The following SLC22A16 variants were observed in gnomAD, a reference collection of about 807,000 sequenced individuals.
SLC22A16 encodes the protein solute carrier family 22 member 16, also known as WUGSC:RG331P03.1.
A neutral mutation model predicts 52.9 loss-of-function variants in SLC22A16; 53 were observed. That is an observed-to-expected ratio of 1.00 (90% CI 0.80 to 1.26). The LOEUF (loss-of-function observed/expected upper bound fraction) is 1.26, where lower values mean the gene tolerates loss of function less well. SLC22A16 is among the 50% of genes most tolerant of loss of function. The pLI is 0.00. For synonymous variants in SLC22A16, 291 were observed against 268.8 expected, an observed-to-expected ratio of 1.08 and a Z score of -0.81; for missense variants, 726 against 704.0, an observed-to-expected ratio of 1.03 and a Z score of -0.35.
intron 1 of SLC22A16, among the ~76,000 whole-genome samples, chr6:110,475,517 CT>C (rs985858625): frequency 9.2e-5 from 14 of 152,338 alleles, no homozygotes; most frequent in Middle Eastern, 3.4e-3. Context: ...CTAACAGCTC[CT>C]TTTTGCAGAC....
intron 7 of SLC22A16, among the ~76,000 whole-genome samples, chr6:110,428,440 G>C (rs1376625977): frequency 2.6e-5 from 4 of 152,184 alleles, no homozygotes; most frequent in African/African-American, 9.7e-5. Context: ...TTGTTTGTTG[G>C]ACCTTGTGTA....
intron 1 of SLC22A16, among the ~76,000 whole-genome samples, chr6:110,467,803 T>C (rs9320334): frequency 0.25 from 38,233 of 152,246 alleles, 5,364 homozygotes; most frequent in East Asian, 0.43. Flanking sequence ...TATAAACTTC[T>C]ATTTGTACAT....
intron 1 of SLC22A16, among the ~76,000 whole-genome samples, chr6:110,457,327 AAAG>A (rs1212502358): frequency 6.6e-6 from 1 of 152,170 alleles, no homozygotes; most frequent in African/African-American, 2.4e-5. Flanking sequence ...AAAGCCAGGA[AAAG>A]AAGAATACAA....
At chr6:110,451,027 A>C (rs1407857118) in intron 2 of SLC22A16, among the ~76,000 whole-genome samples, 2 of 152,196 alleles carry the variant, frequency 1.3e-5, no homozygotes, top group African/African-American at 4.8e-5. Context: ...AAGTTTTGCT[A>C]TTATGATTTT....
chr6:110,425,340 G>A (rs1156367621), intron 7 of SLC22A16: 33 of 1,420,836 alleles, frequency 2.3e-5, no homozygotes, highest in Non-Finnish European at 3.0e-5. Context: ...TTAATTGCCA[G>A]CTACTGCCTG....
chr6:110,442,175 C>G (rs1292796648), intron 4 of SLC22A16, 69 bp downstream of exon 4: 1 of 1,449,004 alleles, frequency 6.9e-7, no homozygotes, highest in Non-Finnish European at 9.4e-7. Flanking sequence ...CACACAGAAA[C>G]AGACACACAC....
At chr6:110,474,171 C>T (rs1776377576) in intron 1 of SLC22A16, among the ~76,000 whole-genome samples, 2 of 152,154 alleles carry the variant, frequency 1.3e-5, no homozygotes, top group Non-Finnish European at 2.9e-5. Flanking sequence ...CATCCTGAAA[C>T]CATCCTCCCG....
intron 2 of SLC22A16, among the ~76,000 whole-genome samples, chr6:110,448,160 T>C (rs1775247393): frequency 6.6e-6 from 1 of 152,220 alleles, no homozygotes; most frequent in Non-Finnish European, 1.5e-5. Flanking sequence ...CCACTACTTG[T>C]TACTGTCTGC....
At chr6:110,430,830 G>T (rs546281984) in intron 7 of SLC22A16, among the ~76,000 whole-genome samples, 48 of 152,330 alleles carry the variant, frequency 3.2e-4, no homozygotes, top group African/African-American at 1.1e-3. Flanking sequence ...CAGAGGCAAG[G>T]CCAGGCCAGC....
chr6:110,452,184 C>G (rs936482615), intron 2 of SLC22A16, among the ~76,000 whole-genome samples: 5 of 152,044 alleles, frequency 3.3e-5, no homozygotes, highest in Non-Finnish European at 5.9e-5. Context: ...CCACAGAGGG[C>G]CTTCTTCACT....
intron 6 of SLC22A16, 86 bp from the exon 7 acceptor site, chr6:110,431,356 C>A: frequency 1.7e-6 from 2 of 1,150,974 alleles, no homozygotes; most frequent in Non-Finnish European, 2.6e-6. Context: ...TCCTTTCCCA[C>A]GCTCCCCAGC....
intron 4 of SLC22A16, among the ~76,000 whole-genome samples, chr6:110,439,203 A>T (rs1774865797): frequency 6.6e-6 from 1 of 152,262 alleles, no homozygotes; most frequent in African/African-American, 2.4e-5. Flanking sequence ...CTGCAAGAGT[A>T]CAAGTGAAAA....
rs778082134 is a variant in SLC22A16 at position 110,442,590 on chromosome 6, G to A, written c.837C>T (p.Val279=). The part of the protein sequence containing the change: ...LYQMILSTVT[V]PFILCCWVLP... ...GCACCCAACAGCACAGGATAAAGGG[G>A]ACAGTCACTGTGGAGAGGATCATCT... The change falls in exon 4 of 8, where the codon GTC becomes GTT. Residue 279 remains valine (V), a synonymous_variant. Transcript: ENST00000368919. The A allele has an allele frequency of 3.7e-6, 6 of 1,614,024 alleles. No homozygotes were observed. In the Admixed American group the frequency reaches 5.0e-5, roughly 13 times the overall value.
chr6:110,469,456 T>C (rs1460041587), intron 1 of SLC22A16, among the ~76,000 whole-genome samples: 2 of 151,906 alleles, frequency 1.3e-5, no homozygotes, highest in Non-Finnish European at 2.9e-5. Context: ...GGCTGAGGCA[T>C]GAGAATAGCT....
chr6:110,456,616 C>T lies in SLC22A16; in HGVS notation c.455G>A (p.Trp152Ter), dbSNP rs751572618. The change falls in exon 2 of 8, where the codon TGG becomes TAG. Residue 152 changes from tryptophan (W) to a stop codon, truncating the protein, a stop_gained. Transcript: ENST00000368919. LOFTEE classifies it high-confidence loss of function. Reference sequence around the variant, plus strand: ...TAGGGGCTGGATCAGCATTGCAAGCCATTTTCGGTCACAGACCAGGTTCCA... The same window carrying T: ...TAGGGGCTGGATCAGCATTGCAAGCTATTTTCGGTCACAGACCAGGTTCCA... ...TQWNLVCDRK[W>*]LAMLIQPLFM... is the part of the protein sequence containing the mutation. 5.3e-5 allele frequency: 86 copies of T among 1,614,040 alleles called. No individual in the cohort carries two copies. Among genetic ancestry groups the T allele is most frequent in the Non-Finnish European group, 7.1e-5 (84 of 1,180,040 alleles).
intron 1 of SLC22A16, among the ~76,000 whole-genome samples, chr6:110,470,612 A>G (rs1171233305): frequency 6.6e-6 from 1 of 151,992 alleles, no homozygotes; most frequent in Non-Finnish European, 1.5e-5. Flanking sequence ...TGACCCCCAC[A>G]GTCATCACCA....
intron 2 of SLC22A16, among the ~76,000 whole-genome samples, chr6:110,449,316 C>G (rs1775287864): frequency 6.6e-6 from 1 of 151,930 alleles, no homozygotes; most frequent in South Asian, 2.1e-4. Flanking sequence ...GCTGGACTCC[C>G]TAAAGTCCTC....
At chr6:110,441,615 G>T (rs1250978739) in intron 4 of SLC22A16, among the ~76,000 whole-genome samples, 1 of 152,214 alleles carries the variant, frequency 6.6e-6, no homozygotes, top group African/African-American at 2.4e-5. Context: ...GAAAATATCT[G>T]CTTATGAGGA....
chr6:110,465,601 A>G (rs1346043992), intron 1 of SLC22A16, among the ~76,000 whole-genome samples: 1 of 152,174 alleles, frequency 6.6e-6, no homozygotes, highest in Non-Finnish European at 1.5e-5. Flanking sequence ...AAAGACCTCT[A>G]CAAGGAGAAC....
Sources: gnomAD v4.1 joint callset for allele counts (sites outside exome capture counted in the v4.1 genomes callset) on GRCh38, gnomAD v4.1.1 for gene constraint, MANE v1.5 for transcripts, NCBI Gene and HGNC (gene_info 2026-07-23, HGNC 2026-07-21) for gene names.